The following CISTR variants were observed in gnomAD, a reference collection of about 807,000 sequenced individuals.
CISTR encodes the protein chondrogenic regulator lncRNA.
chr12:53,749,647 C>A (rs1363158590), intron 2 of CISTR, among the ~76,000 whole-genome samples: 1 of 152,094 alleles, frequency 6.6e-6, no homozygotes, highest in African/African-American at 2.4e-5. Context: ...GCAACTGCTG[C>A]AGGTGCCTGG....
intron 1 of CISTR, chr12:53,755,852 T>A (rs1937909105): frequency 6.6e-6 from 1 of 152,492 alleles, no homozygotes; most frequent in South Asian, 2.1e-4. Flanking sequence ...GCTGTCTTCA[T>A]CTTGCCCAAG....
chr12:53,753,052 TCA>T lies in CISTR; in HGVS notation n.415-2089_415-2088del, dbSNP rs760615546. Among the ~76,000 whole-genome samples the T allele has an allele frequency of 2.3e-3, 278 of 121,282 alleles. 1 individual carries two copies. Among genetic ancestry groups the T allele is most frequent in the Admixed American group, 7.9e-3 (102 of 12,868 alleles). 79.6% of individuals were successfully genotyped at this position (121,282 alleles called of 152,430 possible). On this transcript the variant is annotated intron_variant and non_coding_transcript_variant, in intron 1 of 2. Coordinates refer to ENST00000669269, the Ensembl canonical transcript of CISTR. Reference sequence around the variant, plus strand: ...ATCATACTTCTCTCCCATCTATACATCACACACACACACACACACACACACAC... The same window carrying T: ...ATCATACTTCTCTCCCATCTATACATCACACACACACACACACACACACAC...
In CISTR at chr12:53,752,028, G is replaced by A. The variant is rs557109223; in HGVS notation, n.415-1063C>T. On this transcript the variant is annotated intron_variant and non_coding_transcript_variant, in intron 1 of 2. Coordinates refer to ENST00000669269, the Ensembl canonical transcript of CISTR. ...TCAGACTTTCTCCTGGACTTTCTCC[G>A]CCCCGCACCGCCCGCCCCGGATGCC... Among the ~76,000 whole-genome samples the A allele has an allele frequency of 2.6e-3, 399 of 151,434 alleles. 1 individual carries two copies. The highest frequency in any genetic ancestry group is 9.3e-3 in the African/African-American group (382 of 41,238).
chr12:53,749,444 T>C (rs1937821378), intron 2 of CISTR, among the ~76,000 whole-genome samples: 2 of 151,922 alleles, frequency 1.3e-5, no homozygotes, highest in African/African-American at 4.8e-5. Flanking sequence ...GCAGGGCACC[T>C]ATCTACCTGG....
chr12:53,747,029 G>T (rs184900811), intron 2 of CISTR, among the ~76,000 whole-genome samples: 2 of 152,206 alleles, frequency 1.3e-5, no homozygotes, highest in South Asian at 4.1e-4. Context: ...AAAGTGGATA[G>T]TGGAGACAAG....
rs1445487687 is a variant in CISTR, at chr12:53,751,074, A to G, written n.415-109T>C. 3 of 152,848 alleles carry G rather than the reference A, an allele frequency of 2.0e-5. No homozygotes were observed. The highest frequency in any genetic ancestry group is 6.5e-5 in the Admixed American group (1 of 15,288). The allele number at this position is 152,848 out of a possible 1,614,324, so 9.5% of individuals were successfully genotyped here. A position where few individuals can be genotyped will look rare whatever the true frequency, so the allele number is the denominator to read the frequency against. On this transcript the variant is annotated intron_variant and non_coding_transcript_variant, in intron 1 of 2. Transcript: ENST00000669269. This position sits in a 1 kb window ranked among gnomAD's most constrained non-coding sequence, Gnocchi z 4.6. ...CGGACACTCACACACACACACACGC[A>G]CACACTCACTCCTGCGCACACAGGC...
intron 2 of CISTR, among the ~76,000 whole-genome samples, chr12:53,749,267 G>A (rs1937817801): frequency 6.6e-6 from 1 of 151,246 alleles, no homozygotes; most frequent in Non-Finnish European, 1.5e-5. Context: ...CAGAGGTGGA[G>A]AAAGAAATAT....
At position 53,751,337 on chromosome 12, in the gene CISTR, T is replaced by C. The variant is rs1937847693; in HGVS notation, n.415-372A>G. On this transcript the variant is annotated intron_variant and non_coding_transcript_variant, in intron 1 of 2. Transcript: ENST00000669269. The surrounding 1 kb of genome is among the most constrained non-coding windows in gnomAD (Gnocchi z 4.6). ...AGCCAATCGCCAGAGATCTAATGGC[T>C]CCTTTGGCAGTGGGAAGGGGTGTGC... 2.0e-5 allele frequency among the ~76,000 whole-genome samples: 3 copies of C among 152,042 alleles called. No homozygotes were observed.
chr12:53,751,027 G>A lies in CISTR; in HGVS notation n.415-62C>T, dbSNP rs2120734739. On this transcript the variant is annotated intron_variant and non_coding_transcript_variant, in intron 1 of 2. Coordinates refer to ENST00000669269, the Ensembl canonical transcript of CISTR. This position sits in a 1 kb window ranked among gnomAD's most constrained non-coding sequence, Gnocchi z 4.6. ...GCAGACTGTCCCTGTGGAGGAGAAA[G>A]GCACATGAGCAGCCAAAGGGACGGA... The A allele has an allele frequency of 6.5e-6, 1 of 152,694 alleles. No individual in the cohort carries two copies. Among genetic ancestry groups the A allele is most frequent in the South Asian group, 2.1e-4 (1 of 4,832 alleles). 9.5% of individuals were successfully genotyped at this position (152,694 alleles called of 1,614,324 possible). A position where few individuals can be genotyped will look rare whatever the true frequency, so the allele number is the denominator to read the frequency against.
rs1265105474 is a variant in CISTR, at chr12:53,751,593, G to T, written n.415-628C>A. 3.3e-5 allele frequency among the ~76,000 whole-genome samples: 5 copies of T among 152,092 alleles called. No homozygotes were observed. Among genetic ancestry groups the T allele is most frequent in the Non-Finnish European group, 5.9e-5 (4 of 67,994 alleles). ...CCTCCGCGCGGCGCGGACTCATTAC[G>T]GCTGCAGCCAATTTCATGCCAGCGC... On this transcript the variant is annotated intron_variant and non_coding_transcript_variant, in intron 1 of 2. Coordinates refer to ENST00000669269, the Ensembl canonical transcript of CISTR. The surrounding 1 kb of genome is among the most constrained non-coding windows in gnomAD (Gnocchi z 4.6).
At position 53,751,904 on chromosome 12, in the gene CISTR, C is replaced by G. The variant is rs1339855074; in HGVS notation, n.415-939G>C. 6.5e-6 allele frequency: 1 copy of G among 153,292 alleles called. No individual in the cohort carries two copies. Among genetic ancestry groups the G allele is most frequent in the Non-Finnish European group, 1.5e-5 (1 of 68,574 alleles). The allele number at this position is 153,292 out of a possible 1,614,324, so 9.5% of individuals were successfully genotyped here. A position where few individuals can be genotyped will look rare whatever the true frequency, so the allele number is the denominator to read the frequency against. On this transcript the variant is annotated intron_variant and non_coding_transcript_variant, in intron 1 of 2. Transcript: ENST00000669269. This position sits in a 1 kb window ranked among gnomAD's most constrained non-coding sequence, Gnocchi z 4.6. ...GCTCCCTCTCTCCTTGCGGCTGACT[C>G]CAGCTCCCCCTCGGTGCCCGTAACC... is the stretch of plus-strand genomic sequence containing the variant.
chr12:53,753,971 G>A (rs556673441), intron 1 of CISTR, among the ~76,000 whole-genome samples: 3 of 110,928 alleles, frequency 2.7e-5, no homozygotes, highest in African/African-American at 1.1e-4. Flanking sequence ...ATATGTCCTC[G>A]TGGGGCGTGA....
intron 1 of CISTR, among the ~76,000 whole-genome samples, chr12:53,752,347 T>A (rs1253982795): frequency 1.3e-5 from 2 of 152,214 alleles, no homozygotes; most frequent in African/African-American, 4.8e-5. Flanking sequence ...CTCCCTTTTT[T>A]GCGAAGCTGC....
intron 2 of CISTR, among the ~76,000 whole-genome samples, chr12:53,747,286 A>C (rs1477673440): frequency 6.6e-6 from 1 of 152,148 alleles, no homozygotes; most frequent in Admixed American, 6.6e-5. Flanking sequence ...GGCATGATGG[A>C]GGGAGATGGC....
chr12:53,755,625 T>G (rs1384443488), intron 1 of CISTR, among the ~76,000 whole-genome samples: 2 of 152,102 alleles, frequency 1.3e-5, no homozygotes, highest in African/African-American at 4.8e-5. Context: ...CATTCTGAAC[T>G]TTATTAACCT....
Position 53,751,441 on chromosome 12 carries a change from G to T in CISTR, n.415-476C>A, listed in dbSNP as rs535643108. On this transcript the variant is annotated intron_variant and non_coding_transcript_variant, in intron 1 of 2. Transcript: ENST00000669269. The surrounding 1 kb of genome is among the most constrained non-coding windows in gnomAD (Gnocchi z 4.6). ...TCCGGCCGCGGCAGTTTCCGAAATC[G>T]CCCGGCGGCCGCGAATTCATTAGTG... is the stretch of plus-strand genomic sequence containing the variant. Among the ~76,000 whole-genome samples the T allele has an allele frequency of 6.6e-4, 101 of 152,300 alleles. No homozygotes were observed. Among genetic ancestry groups the T allele is most frequent in the African/African-American group, 2.3e-3 (95 of 41,560 alleles).
At position 53,752,331 on chromosome 12, in the gene CISTR, C is replaced by G. The variant is rs538567327; in HGVS notation, n.415-1366G>C. On this transcript the variant is annotated intron_variant and non_coding_transcript_variant, in intron 1 of 2. Coordinates refer to ENST00000669269, the Ensembl canonical transcript of CISTR. ...CAGCGAAGTCGAATTTGGCTCGTGT[C>G]CTTCTCTCCCTTTTTTGCGAAGCTG... Among the ~76,000 whole-genome samples, 3 of 152,262 alleles carry G rather than the reference C, an allele frequency of 2.0e-5. No homozygotes were observed. The South Asian group carries it at 6.2e-4, about 32-fold the overall frequency.
At chr12:53,749,172 G>A (rs1937816890) in intron 2 of CISTR, among the ~76,000 whole-genome samples, 1 of 152,014 alleles carries the variant, frequency 6.6e-6, no homozygotes, top group African/African-American at 2.4e-5. Flanking sequence ...AAAAAGAATG[G>A]CAGAGCCCCA....
chr12:53,748,700 C>G (rs997225242), intron 2 of CISTR, among the ~76,000 whole-genome samples: 1 of 152,152 alleles, frequency 6.6e-6, no homozygotes, highest in Non-Finnish European at 1.5e-5. Flanking sequence ...TACCCCGAGC[C>G]AAAGGCACAC....
Sources: allele counts gnomAD v4.1 joint callset (sites outside exome capture counted in the v4.1 genomes callset), GRCh38; gene constraint gnomAD v4.1.1; non-coding constraint Gnocchi (gnomAD v3.1); transcripts MANE v1.5; gene names NCBI Gene and HGNC (gene_info 2026-07-23, HGNC 2026-07-21).